Variants in OGFOD1 observed in about 807,000 individuals in gnomAD.
The protein encoded by OGFOD1 is prolyl 3-hydroxylase OGFOD1.
OGFOD1 carries 54 observed loss-of-function variants against 67.7 expected under a neutral mutation model. The observed-to-expected ratio is 0.80, with a 90% confidence interval of 0.64 to 1.00. OGFOD1 has a LOEUF of 1.00. OGFOD1 is among the 50% of genes least tolerant of loss of function. The pLI is 0.00. For synonymous variants in OGFOD1, 221 were observed against 227.0 expected, an observed-to-expected ratio of 0.97 and a Z score of 0.24; for missense variants, 606 against 646.7, an observed-to-expected ratio of 0.94 and a Z score of 0.68.
At chr16:56,454,176 C>T (rs749304598) in intron 2 of OGFOD1, among the ~76,000 whole-genome samples, 4 of 152,142 alleles carry the variant, frequency 2.6e-5, no homozygotes, top group Non-Finnish European at 4.4e-5. Flanking sequence ...GGTGAAAACC[C>T]GTCTCTACTA....
intron 3 of OGFOD1, 41 bp from the exon 4 acceptor site, chr16:56,462,493 A>T (rs1333058107): frequency 1.5e-6 from 2 of 1,296,242 alleles, no homozygotes; most frequent in Non-Finnish European, 2.2e-6. Context: ...CCTAGATCCC[A>T]CACTGTGGCA....
chr16:56,469,653 C>T (rs1963059431), intron 8 of OGFOD1, among the ~76,000 whole-genome samples: 1 of 151,810 alleles, frequency 6.6e-6, no homozygotes, highest in Non-Finnish European at 1.5e-5. Flanking sequence ...GTCGGGAGTT[C>T]GAGACCAGCC....
chr16:56,461,013 C>G (rs1021064417), intron 3 of OGFOD1, among the ~76,000 whole-genome samples: 2 of 152,172 alleles, frequency 1.3e-5, no homozygotes, highest in Non-Finnish European at 2.9e-5. Context: ...ATCAGAACTT[C>G]TATGAAGGAT....
chr16:56,476,421 CTTTT>C lies in OGFOD1; in HGVS notation c.*225_*228del. On this transcript the variant is annotated 3_prime_UTR_variant, in exon 13 of 13. Coordinates refer to ENST00000566157, the MANE Select transcript of OGFOD1 (RefSeq NM_018233.4). ...CTCTTGATTAAAAAAAAAAAGTTGGCTTTTTTTTTTTTAACATTTAGTCCTTTTT... is the reference window on the plus strand; with the variant it reads ...CTCTTGATTAAAAAAAAAAAGTTGGCTTTTTTTTAACATTTAGTCCTTTTT... 3.5e-6 allele frequency: 1 copy of C among 286,868 alleles called. No homozygotes were observed. The highest frequency in any genetic ancestry group is 6.3e-6 in the Non-Finnish European group (1 of 159,874). The allele number at this position is 286,868 out of a possible 1,614,324, so 17.8% of individuals were successfully genotyped here. A position where few individuals can be genotyped will look rare whatever the true frequency, so the allele number is the denominator to read the frequency against.
At chr16:56,474,157 G>T (rs1963341473) in intron 10 of OGFOD1, among the ~76,000 whole-genome samples, 1 of 151,980 alleles carries the variant, frequency 6.6e-6, no homozygotes, top group African/African-American at 2.4e-5. Flanking sequence ...TAGTAATCAG[G>T]TCTATCTTTG....
In OGFOD1 at chr16:56,451,748, A is replaced by C. The variant is rs370324348; in HGVS notation, c.136A>C (p.Arg46=). ...GCAGGTGGCTGAGGCCTGGAGCCGCAGGACGCCGTTCAGTCACGGTAACCG... is the reference window on the plus strand; with the variant it reads ...GCAGGTGGCTGAGGCCTGGAGCCGCCGGACGCCGTTCAGTCACGGTAACCG... ...KKQVAEAWSR[R]TPFSHEVIVM... Residue 46 remains arginine (R), a synonymous_variant, in exon 1 of 13, where the codon AGG becomes CGG. Coordinates refer to ENST00000566157, the MANE Select transcript of OGFOD1 (RefSeq NM_018233.4). The C allele has an allele frequency of 3.0e-5, 48 of 1,612,814 alleles. No homozygotes were observed. The African/African-American group carries it at 5.7e-4, about 19-fold the overall frequency.
In OGFOD1 at chr16:56,452,033, G is replaced by T. The variant is rs546913628; in HGVS notation, c.154+267G>T. 41 of 397,400 alleles carry T rather than the reference G, an allele frequency of 1.0e-4. 1 individual carries two copies. In the South Asian group the frequency reaches 1.8e-3, roughly 17 times the overall value. 24.6% of individuals were successfully genotyped at this position (397,400 alleles called of 1,614,324 possible). On this transcript the variant is annotated intron_variant, in intron 1 of 12. Transcript: ENST00000566157. ...ATGCAAGAGATAGTTGCATTCTGGA[G>T]TCAAAGATTACTGAGTTAGAATCCT...
Position 56,458,931 on chromosome 16 carries a change from TATAG to T in OGFOD1, c.347+345_347+348del, listed in dbSNP as rs570072376. ...AAATAAAAACCCTAGTGTTGACAGA[TATAG>T]ATAGATAACTTTATACACTGCTGTA... On this transcript the variant is annotated intron_variant, in intron 3 of 12. Coordinates refer to ENST00000566157, the MANE Select transcript of OGFOD1 (RefSeq NM_018233.4). 57 of 298,084 alleles carry T rather than the reference TATAG, an allele frequency of 1.9e-4. 1 individual carries two copies. The highest frequency in any genetic ancestry group is 1.0e-3 in the Admixed American group (21 of 20,506). 18.5% of individuals were successfully genotyped at this position (298,084 alleles called of 1,614,324 possible).
chr16:56,476,272 G>A lies in OGFOD1; in HGVS notation c.*67G>A. The A allele has an allele frequency of 1.3e-6, 2 of 1,482,726 alleles. No homozygotes were observed. The highest frequency in any genetic ancestry group is 1.8e-6 in the Non-Finnish European group (2 of 1,090,202). The allele number at this position is 1,482,726 out of a possible 1,614,324, so 91.8% of individuals were successfully genotyped here. A position where few individuals can be genotyped will look rare whatever the true frequency, so the allele number is the denominator to read the frequency against. On this transcript the variant is annotated 3_prime_UTR_variant, in exon 13 of 13. Transcript: ENST00000566157. ...TTACTGGGAAGTCTGAAAGAGCTAA[G>A]CATGGAGTCAAGGAGAACTACATGG...
intron 10 of OGFOD1, among the ~76,000 whole-genome samples, chr16:56,474,403 C>T (rs1963356839): frequency 6.6e-6 from 1 of 151,234 alleles, no homozygotes; most frequent in Admixed American, 6.6e-5. Context: ...TTACCACAAC[C>T]TCTGCCACCC....
intron 8 of OGFOD1, among the ~76,000 whole-genome samples, chr16:56,468,792 G>A (rs1190237494): frequency 6.6e-6 from 1 of 151,822 alleles, no homozygotes; most frequent in Non-Finnish European, 1.5e-5. Context: ...TTACTAACCT[G>A]GGCAGATCAC....
At chr16:56,457,882 G>A (rs1311467507) in intron 2 of OGFOD1, among the ~76,000 whole-genome samples, 1 of 152,134 alleles carries the variant, frequency 6.6e-6, no homozygotes, top group Non-Finnish European at 1.5e-5. Flanking sequence ...GTTTCACCAC[G>A]TTGGTCAGGC....
Position 56,451,562 on chromosome 16 carries a change from A to T in OGFOD1, c.-51A>T. The T allele has an allele frequency of 1.9e-6, 3 of 1,601,566 alleles. No homozygotes were observed. Among genetic ancestry groups the T allele is most frequent in the Middle Eastern group, 3.3e-4 (2 of 6,014 alleles). On this transcript the variant is annotated 5_prime_UTR_variant, in exon 1 of 13. Coordinates refer to ENST00000566157, the MANE Select transcript of OGFOD1 (RefSeq NM_018233.4). ...ACATGCCGGGAGTTGCAGTACCCTC[A>T]GGAAGGTAGCGTCTTGATCTGCGTG...
intron 10 of OGFOD1, among the ~76,000 whole-genome samples, chr16:56,472,734 C>T (rs906026569): frequency 6.6e-6 from 1 of 152,106 alleles, no homozygotes; most frequent in Non-Finnish European, 1.5e-5. Context: ...TACATGTATA[C>T]ACATATGGGG....
rs1217654463 is a variant in OGFOD1, at chr16:56,466,978, T to C, written c.657+11T>C. ...GTGTCCTTTCACCAGGTAAAGACTG[T>C]AAGCCACAAATAGAGTAGCAAGGAT... is the stretch of plus-strand genomic sequence containing the variant. On this transcript the variant is annotated intron_variant, in intron 6 of 12. Coordinates refer to ENST00000566157, the MANE Select transcript of OGFOD1 (RefSeq NM_018233.4). The C allele has an allele frequency of 1.9e-6, 3 of 1,592,878 alleles. No homozygotes were observed. The highest frequency in any genetic ancestry group is 4.5e-5 in the East Asian group (2 of 44,778).
At chr16:56,465,274 A>C (rs1390351592) in intron 4 of OGFOD1, among the ~76,000 whole-genome samples, 1 of 152,182 alleles carries the variant, frequency 6.6e-6, no homozygotes, top group Admixed American at 6.5e-5. Flanking sequence ...TGCTGGGATT[A>C]CAGGCGTGAG....
Position 56,466,273 on chromosome 16 carries a change from GATAAGT to G in OGFOD1, c.565+12_565+17del, listed in dbSNP as rs755506182. On this transcript the variant is annotated splice_donor_region_variant and intron_variant, in intron 5 of 12. Transcript: ENST00000566157. ...TGGACCTGTACAGCATTGATGGTAA[GATAAGT>G]ATAAGTGCATGCACTTCACCACCAG... The G allele has an allele frequency of 2.0e-5, 32 of 1,584,352 alleles. No individual in the cohort carries two copies. Among genetic ancestry groups the G allele is most frequent in the Admixed American group, 6.7e-5 (4 of 59,944 alleles).
intron 10 of OGFOD1, among the ~76,000 whole-genome samples, chr16:56,471,997 T>C (rs560379849): frequency 7.2e-5 from 11 of 152,230 alleles, no homozygotes; most frequent in Non-Finnish European, 1.5e-4. Context: ...GGTCTTGCAC[T>C]GTCACCCAGG....
rs1425168341 is a variant in OGFOD1 at position 56,478,324 on chromosome 16, A to G, written c.*2119A>G. ...CAGGCACCTGCCTCCATACCCAGCT[A>G]ATTTTTTTATATTTTTAGTAGAGAC... On this transcript the variant is annotated 3_prime_UTR_variant, in exon 13 of 13. Transcript: ENST00000566157. 6.6e-6 allele frequency: 1 copy of G among 152,090 alleles called. No homozygotes were observed. The highest frequency in any genetic ancestry group is 2.4e-5 in the African/African-American group (1 of 41,416). 9.4% of individuals were successfully genotyped at this position (152,090 alleles called of 1,614,324 possible).
Sources: gnomAD v4.1 joint callset for allele counts (sites outside exome capture counted in the v4.1 genomes callset) on GRCh38, gnomAD v4.1.1 for gene constraint, MANE v1.5 for transcripts, NCBI Gene and HGNC (gene_info 2026-07-23, HGNC 2026-07-21) for gene names.